ZCWPW1: variants seen among roughly 807,000 people sequenced by gnomAD.
ZCWPW1 encodes the protein zinc finger CW-type and PWWP domain containing 1, also known as zinc finger CW-type PWWP domain protein 1.
Under a neutral mutation model 81.3 loss-of-function variants are expected in ZCWPW1, and 56 were observed. The observed-to-expected ratio is 0.69, with a 90% CI of 0.56 to 0.86. The LOEUF (loss-of-function observed/expected upper bound fraction) is 0.86. Ranked by LOEUF, ZCWPW1 falls within the 40% of genes least tolerant of loss-of-function variation. The probability of loss-of-function intolerance (pLI) is 0.00; values close to 1 mark genes in which losing one functional copy is unlikely to be tolerated. For missense variants in ZCWPW1, 650 were observed against 769.8 expected (o/e 0.84, Z 1.84); for synonymous variants, 250 against 273.7 (o/e 0.91, Z 0.86).
intron 17 of ZCWPW1, 141 bp from the exon 18 acceptor site, chr7:100,401,477 G>T: frequency 1.2e-6 from 1 of 844,352 alleles, no homozygotes; most frequent in Non-Finnish European, 1.7e-6. Flanking sequence ...TGGACTTTGG[G>T]ATCAGAAAGA....
chr7:100,409,621 C>A (rs1200146332), intron 8 of ZCWPW1, 77 bp from the exon 9 acceptor site: 2 of 1,030,572 alleles, frequency 1.9e-6, no homozygotes, highest in Non-Finnish European at 3.0e-6. Context: ...ATCAGGATAA[C>A]CCTCCCAACT....
chr7:100,402,478 A>C, intron 16 of ZCWPW1, 38 bp downstream of exon 16: 1 of 1,610,568 alleles, frequency 6.2e-7, no homozygotes, highest in Non-Finnish European at 8.5e-7. Flanking sequence ...CCCTGCCTTA[A>C]CTGTGGGTTG....
Position 100,401,903 on chromosome 7 carries a change from T to C in ZCWPW1, c.1613A>G (p.Asp538Gly), listed in dbSNP as rs1319609231. Residue 538 changes from aspartate to glycine, a missense_variant, in exon 17 of 18, where the codon GAT (aspartate) becomes GGT (glycine). Physicochemically the swap from Asp to Gly is moderately conservative, Grantham distance 94. Transcript: ENST00000684423. ...TTGAGCCTTACCTGGCTGGTCAGAA[T>C]CTGAATTCCCTTGGCCTTCTTTCCT... is the stretch of plus-strand genomic sequence containing the variant. ...MGRKEGQGNS[D>G]SDQPGPKKKF... 2.5e-6 allele frequency: 4 copies of C among 1,613,092 alleles called. No homozygotes were observed. The African/African-American group carries it at 5.3e-5, about 22-fold the overall frequency.
intron 1 of ZCWPW1, among the ~76,000 whole-genome samples, chr7:100,426,379 C>T (rs2130907212): frequency 6.6e-6 from 1 of 151,152 alleles, no homozygotes; most frequent in East Asian, 1.9e-4. Context: ...GTAATCTCAG[C>T]TACTTGGGAG....
intron 15 of ZCWPW1, among the ~76,000 whole-genome samples, chr7:100,403,051 T>C (rs893967404): frequency 1.3e-5 from 2 of 151,766 alleles, no homozygotes; most frequent in Non-Finnish European, 2.9e-5. Context: ...ATGTGGGAAA[T>C]TAGAGAATAA....
Position 100,402,001 on chromosome 7 carries a change from C to T in ZCWPW1, c.1515G>A (p.Arg505=). The T allele has an allele frequency of 1.2e-6, 2 of 1,613,928 alleles. No individual in the cohort carries two copies. Among genetic ancestry groups the T allele is most frequent in the Non-Finnish European group, 1.7e-6 (2 of 1,179,890 alleles). The change falls in exon 17 of 18, where the codon AGG becomes AGA. Residue 505 remains arginine (R), a synonymous_variant. Coordinates refer to ENST00000684423, the MANE Select transcript of ZCWPW1 (RefSeq NM_001386010.1). ...TCTTCATTATCTTCCTCTGCAGTGTCCTGCCTCGGCCATCTGCTGTGCCTG... is the reference window on the plus strand; with the variant it reads ...TCTTCATTATCTTCCTCTGCAGTGTTCTGCCTCGGCCATCTGCTGTGCCTG... ...GDAGTADGRG[R]TLQRKIMKRS...
At chr7:100,408,455 T>C (rs1793509602) in intron 10 of ZCWPW1, 84 bp downstream of exon 10, 1 of 1,533,222 alleles carries the variant, frequency 6.5e-7, no homozygotes, top group Non-Finnish European at 8.9e-7. Context: ...CAATTACAGA[T>C]GTTTTCCATT....
chr7:100,402,527 GT>G lies in ZCWPW1; in HGVS notation c.1462del (p.Thr488ProfsTer24). ...RKRVKIQTQK[T>X]KPRGLGGDAG... is the part of the protein sequence containing the mutation. ...GCTGGCCTGCTTACCTCTTGGCTTG[GT>G]TTTTTGGGTCTGTATTTTGACTCGC... On this transcript the variant is annotated frameshift_variant, in exon 16 of 18. Coordinates refer to ENST00000684423, the MANE Select transcript of ZCWPW1 (RefSeq NM_001386010.1). LOFTEE classifies it high-confidence loss of function. The G allele has an allele frequency of 1.9e-6, 3 of 1,614,058 alleles. No individual in the cohort carries two copies. The highest frequency in any genetic ancestry group is 1.7e-5 in the Admixed American group (1 of 59,996).
intron 10 of ZCWPW1, 110 bp from the exon 11 acceptor site, chr7:100,407,413 G>T: frequency 1.0e-6 from 1 of 981,176 alleles, no homozygotes; most frequent in Non-Finnish European, 1.5e-6. Context: ...TTTTTTCTGA[G>T]ACAAGGTCTC....
chr7:100,401,508 T>G (rs985266792), intron 17 of ZCWPW1, among the ~76,000 whole-genome samples, 172 bp from the exon 18 acceptor site: 1 of 152,248 alleles, frequency 6.6e-6, no homozygotes, highest in East Asian at 1.9e-4. Context: ...GTCTGCCCTA[T>G]GCTAGTCACC....
At chr7:100,403,919 TC>T in intron 14 of ZCWPW1, 134 bp from the exon 15 acceptor site, 1 of 1,018,132 alleles carries the variant, frequency 9.8e-7, no homozygotes, top group Non-Finnish European at 1.5e-6. Context: ...TAAAATGTGA[TC>T]CCAGATTTCC....
chr7:100,401,844 C>T (rs1584236610), intron 17 of ZCWPW1, 45 bp downstream of exon 17: 2 of 1,553,010 alleles, frequency 1.3e-6, no homozygotes, highest in Non-Finnish European at 1.7e-6. Flanking sequence ...GAGATGCTGA[C>T]AGGCACCTCA....
intron 8 of ZCWPW1, among the ~76,000 whole-genome samples, chr7:100,412,371 T>C (rs73161759): frequency 0.17 from 26,581 of 152,014 alleles, 2,421 homozygotes; most frequent in Middle Eastern, 0.2. Flanking sequence ...TCATCTTATA[T>C]TACAAATTTT....
At chr7:100,428,397 A>C (rs1012713757) in intron 1 of ZCWPW1, among the ~76,000 whole-genome samples, 171 bp downstream of exon 1, 2 of 152,256 alleles carry the variant, frequency 1.3e-5, no homozygotes, top group Admixed American at 6.5e-5. Context: ...CGTCCCGGGA[A>C]AACTACAAAT....
intron 1 of ZCWPW1, among the ~76,000 whole-genome samples, chr7:100,427,422 G>A (rs1027621688): frequency 2.0e-5 from 3 of 150,596 alleles, no homozygotes; most frequent in Non-Finnish European, 4.4e-5. Flanking sequence ...AAAATCAGCC[G>A]AGCACGGTGG....
chr7:100,418,242 A>G (rs1214669627), intron 5 of ZCWPW1, among the ~76,000 whole-genome samples: 1 of 152,222 alleles, frequency 6.6e-6, no homozygotes, highest in African/African-American at 2.4e-5. Context: ...CAAAATCGGT[A>G]TTAGAAACTG....
intron 1 of ZCWPW1, among the ~76,000 whole-genome samples, chr7:100,428,051 G>C (rs1028552673): frequency 6.6e-6 from 1 of 151,966 alleles, no homozygotes; most frequent in Non-Finnish European, 1.5e-5. Flanking sequence ...GAGGAAAAAG[G>C]GCGAAGGGCT....
intron 2 of ZCWPW1, among the ~76,000 whole-genome samples, chr7:100,422,396 C>T (rs1796519838): frequency 6.6e-6 from 1 of 152,144 alleles, no homozygotes; most frequent in African/African-American, 2.4e-5. Context: ...CTGCTCACAG[C>T]CATAGGCAAC....
intron 14 of ZCWPW1, 62 bp from the exon 15 acceptor site, chr7:100,403,847 A>C (rs1449729634): frequency 6.8e-7 from 1 of 1,474,480 alleles, no homozygotes; most frequent in Non-Finnish European, 9.4e-7. Context: ...GAGTTAATGA[A>C]GCTGATCACA....
Sources: allele counts gnomAD v4.1 joint callset (sites outside exome capture counted in the v4.1 genomes callset), GRCh38; gene constraint gnomAD v4.1.1; transcripts MANE v1.5; gene names NCBI Gene and HGNC (gene_info 2026-07-23, HGNC 2026-07-21).